The following PUDP variants were observed in gnomAD, a reference collection of about 807,000 sequenced individuals.
The protein encoded by PUDP is pseudouridine-5'-phosphatase.
PUDP carries 8 observed loss-of-function variants against 9.4 expected under a neutral mutation model. That is an observed-to-expected ratio of 0.85 (90% CI 0.50 to 1.53). The LOEUF (loss-of-function observed/expected upper bound fraction) is 1.53. Ranked by LOEUF, PUDP falls within the 40% of genes most tolerant of loss-of-function variation. The pLI, the probability that PUDP is intolerant of heterozygous loss-of-function variation, is 0.00. For synonymous variants in PUDP, 99 were observed against 80.7 expected (o/e 1.23, Z -1.22); for missense variants, 188 against 189.7 (o/e 0.99, Z 0.05).
At chrX:7,043,216 C>T (rs1262376348) in intron 1 of PUDP, among the ~76,000 whole-genome samples, 3 of 111,766 alleles carry the variant, frequency 2.7e-5, no homozygotes, top group Non-Finnish European at 5.6e-5. Flanking sequence ...ATTTGATCCC[C>T]AATGTTGGAG....
intron 3 of PUDP, among the ~76,000 whole-genome samples, chrX:6,840,597 G>A (rs1418066693): frequency 8.9e-6 from 1 of 111,767 alleles, no homozygotes; most frequent in East Asian, 2.8e-4. Flanking sequence ...AGTTAGTGGG[G>A]AGAAAAGGAT....
chrX:6,967,524 C>T (rs766611276), intron 3 of PUDP, among the ~76,000 whole-genome samples: 21 of 111,304 alleles, frequency 1.9e-4, no homozygotes, highest in Admixed American at 1.2e-3. Context: ...GCACCTATGC[C>T]GTGAAAATGT....
At chrX:6,784,456 T>C (rs1210917882) in intron 3 of PUDP, among the ~76,000 whole-genome samples, 1 of 111,216 alleles carries the variant, frequency 9.0e-6, no homozygotes, top group Non-Finnish European at 1.9e-5. Flanking sequence ...TCCTAGAACA[T>C]GTCAGGAAAC....
In PUDP at chrX:6,921,018, C is replaced by T. The variant is rs772353052; in HGVS notation, c.*247+56115G>A. ...TGGGCCTGAGAGTGGGGTGAGTGTC[C>T]TCCTTGTTCCTCAGTAGCATATCTC... On this transcript the variant is annotated intron_variant and NMD_transcript_variant, in intron 3 of 3. Transcript: ENST00000655425. 2.7e-5 allele frequency among the ~76,000 whole-genome samples: 3 copies of T among 110,587 alleles called. No homozygotes were observed. In the South Asian group the frequency reaches 1.2e-3, roughly 44 times the overall value.
At chrX:6,989,653 G>T in intron 1 of PUDP, 1 of 114,696 alleles carries the variant, frequency 8.7e-6, no homozygotes, top group South Asian at 3.3e-4. Flanking sequence ...GCATGACAAT[G>T]GCAAAATTGG....
intron 1 of PUDP, among the ~76,000 whole-genome samples, chrX:7,138,243 T>C (rs376504373): frequency 3.9e-4 from 44 of 111,784 alleles, no homozygotes; most frequent in African/African-American, 1.3e-3. Flanking sequence ...CTGAAAGTCA[T>C]AGGGGGAAAA....
At chrX:6,763,248 G>A (rs1356819291) in intron 3 of PUDP, among the ~76,000 whole-genome samples, 1 of 111,188 alleles carries the variant, frequency 9.0e-6, no homozygotes, top group East Asian at 2.8e-4. Flanking sequence ...AATTAGCCGG[G>A]TGTGGTGATG....
Position 7,051,722 on chromosome X carries a change from A to C in PUDP, c.511-1250T>G, listed in dbSNP as rs752200339. ...AGCCTGCTCCATAGTATAAACAAGC[A>C]TAATCCACATGTGCTATCTTCATAT... is the stretch of plus-strand genomic sequence containing the variant. On this transcript the variant is annotated intron_variant, in intron 3 of 3. Coordinates refer to ENST00000381077, the MANE Select transcript of PUDP (RefSeq NM_012080.5). Among the ~76,000 whole-genome samples the C allele has an allele frequency of 3.6e-5, 4 of 112,373 alleles. No individual in the cohort carries two copies. The East Asian group carries it at 1.1e-3, about 32-fold the overall frequency.
At chrX:6,899,150 G>A (rs1304772986) in intron 3 of PUDP, among the ~76,000 whole-genome samples, 3 of 112,577 alleles carry the variant, frequency 2.7e-5, no homozygotes, top group Non-Finnish European at 5.6e-5. Flanking sequence ...CAATCACAGG[G>A]TGTGACACAC....
chrX:7,024,105 A>G (rs1163986364), intron 1 of PUDP, among the ~76,000 whole-genome samples: 3 of 111,568 alleles, frequency 2.7e-5, no homozygotes, highest in Non-Finnish European at 3.8e-5. Context: ...TGTATATTCA[A>G]TTGGATTTTT....
chrX:7,001,111 T>G (rs929385967), intron 1 of PUDP, among the ~76,000 whole-genome samples: 1 of 110,323 alleles, frequency 9.1e-6, no homozygotes, highest in African/African-American at 3.3e-5. Context: ...TGATGATTGC[T>G]GGATACAACA....
At chrX:7,112,661 T>C (rs1210811470) in intron 1 of PUDP, among the ~76,000 whole-genome samples, 1 of 111,922 alleles carries the variant, frequency 8.9e-6, no homozygotes, top group Non-Finnish European at 1.9e-5. Context: ...TGACTGTGTG[T>C]GTGCACGTTT....
chrX:7,127,296 G>A (rs1183177469), intron 1 of PUDP, among the ~76,000 whole-genome samples: 1 of 112,213 alleles, frequency 8.9e-6, no homozygotes, highest in African/African-American at 3.2e-5. Flanking sequence ...ACAGCTAGGG[G>A]CTTGGCAGAC....
At chrX:7,029,920 G>T (rs1276218459) in intron 1 of PUDP, among the ~76,000 whole-genome samples, 1 of 110,493 alleles carries the variant, frequency 9.1e-6, no homozygotes, top group African/African-American at 3.3e-5. Context: ...TTTTTCTAAA[G>T]CTCTTCTAAG....
intron 2 of PUDP, among the ~76,000 whole-genome samples, chrX:7,100,645 C>T (rs1426651272): frequency 8.9e-6 from 1 of 111,882 alleles, no homozygotes; most frequent in Admixed American, 9.5e-5. Context: ...GTCACCAGAG[C>T]AATGACGCTA....
intron 1 of PUDP, among the ~76,000 whole-genome samples, chrX:6,714,433 C>T (rs1436999432): frequency 9.0e-6 from 1 of 111,275 alleles, no homozygotes; most frequent in Non-Finnish European, 1.9e-5. Flanking sequence ...ACGGAGGATA[C>T]ACATGTGTGT....
chrX:6,768,151 G>A (rs186169871), intron 3 of PUDP, among the ~76,000 whole-genome samples: 3 of 112,091 alleles, frequency 2.7e-5, no homozygotes, highest in Admixed American at 9.4e-5. Context: ...AACCAGGGGC[G>A]ATTTTGTTCT....
chrX:6,943,569 G>A (rs760982656), intron 3 of PUDP, among the ~76,000 whole-genome samples: 17 of 111,681 alleles, frequency 1.5e-4, no homozygotes, highest in African/African-American at 5.2e-4. Flanking sequence ...TGTTGAAAAA[G>A]TAGGCAATAT....
intron 2 of PUDP, among the ~76,000 whole-genome samples, chrX:7,086,846 T>C (rs888163145): frequency 8.9e-6 from 1 of 111,910 alleles, no homozygotes; most frequent in Admixed American, 9.5e-5. Context: ...GACTAACCTA[T>C]ATCCTGGACG....
Sources: allele counts gnomAD v4.1 joint callset (sites outside exome capture counted in the v4.1 genomes callset), GRCh38; gene constraint gnomAD v4.1.1; transcripts MANE v1.5; gene names NCBI Gene and HGNC (gene_info 2026-07-23, HGNC 2026-07-21).